Variants in INO80D observed in about 807,000 individuals in gnomAD.
The protein encoded by INO80D is INO80 complex subunit D.
A neutral mutation model predicts 87.6 loss-of-function variants in INO80D; 21 were observed. The observed-to-expected ratio is 0.24, with a 90% CI of 0.17 to 0.35. The LOEUF (loss-of-function observed/expected upper bound fraction) is 0.35, where lower values mean the gene tolerates loss of function less well. Ranked by LOEUF, INO80D falls within the 10% of genes least tolerant of loss-of-function variation. The pLI is 1.00. For synonymous variants in INO80D, 440 were observed against 491.0 expected (o/e 0.90, Z 1.37); for missense variants, 982 against 1,280.7 (o/e 0.77, Z 3.56).
chr2:206,006,060 C>T (rs818024), intron 10 of INO80D, among the ~76,000 whole-genome samples: 114,835 of 151,936 alleles, frequency 0.76, 43,658 homozygotes, highest in South Asian at 0.85. Flanking sequence ...GTTCATTTCA[C>T]GGGTTATCTT....
intron 10 of INO80D, among the ~76,000 whole-genome samples, chr2:206,006,971 CG>C (rs1418514037): frequency 6.6e-6 from 1 of 152,154 alleles, no homozygotes; most frequent in Non-Finnish European, 1.5e-5. Flanking sequence ...CGCTTGAACC[CG>C]GAGGCAGAAG....
In INO80D at chr2:206,062,886, T is replaced by C. The variant is rs1689723129; in HGVS notation, c.131A>G (p.Lys44Arg). The change falls in exon 3 of 11, where the codon AAG (lysine) becomes AGG (arginine). Residue 44 changes from lysine to arginine, a missense_variant. Physicochemically the swap from Lys to Arg is conservative, Grantham distance 26. Coordinates refer to ENST00000403263, the MANE Select transcript of INO80D (RefSeq NM_017759.5). This position sits in a 1 kb window ranked among gnomAD's most constrained non-coding sequence, Gnocchi z 4.6. ...TTCACATTGCTTGAAGGGGGCAGTC[T>C]TGTCCTCCAGAACGTGTCTGATACA... ...AFCIRHVLEDKTAPFKQCEYV... is the reference protein window; with the variant it reads ...AFCIRHVLEDRTAPFKQCEYV... The C allele has an allele frequency of 1.9e-6, 3 of 1,613,494 alleles. No individual in the cohort carries two copies. The highest frequency in any genetic ancestry group is 2.5e-6 in the Non-Finnish European group (3 of 1,179,802).
In INO80D at chr2:205,996,544, T is replaced by C. The variant is rs1041248578; in HGVS notation, c.*7824A>G. On this transcript the variant is annotated 3_prime_UTR_variant, in exon 11 of 11. Coordinates refer to ENST00000403263, the MANE Select transcript of INO80D (RefSeq NM_017759.5). ...TTACAGAATAATCCAGAACTTTCCA[T>C]AGACATTAATCTTGCTTAACAAAGG... is the stretch of plus-strand genomic sequence containing the variant. 2.6e-5 allele frequency: 4 copies of C among 152,080 alleles called. No homozygotes were observed. The highest frequency in any genetic ancestry group is 4.8e-5 in the African/African-American group (2 of 41,426). 9.4% of individuals were successfully genotyped at this position (152,080 alleles called of 1,614,324 possible). A position where few individuals can be genotyped will look rare whatever the true frequency, so the allele number is the denominator to read the frequency against.
At chr2:206,028,374 C>T (rs373716242) in intron 5 of INO80D, 39 bp from the exon 6 acceptor site, 38 of 1,468,442 alleles carry the variant, frequency 2.6e-5, no homozygotes, top group Non-Finnish European at 3.5e-5. Flanking sequence ...ACTGATTACA[C>T]ATTAGGCTCA....
intron 6 of INO80D, chr2:206,025,542 A>AAAAAAAAAATAT (rs71301548): frequency 1.3e-5 from 1 of 76,936 alleles, no homozygotes; most frequent in African/African-American, 4.4e-5. Context: ...AAAAAAAAAA[A>AAAAAAAAAATAT]ATATATATAT....
At chr2:206,083,449 A>G (rs1273821333) in intron 1 of INO80D, among the ~76,000 whole-genome samples, 3 of 152,214 alleles carry the variant, frequency 2.0e-5, no homozygotes, top group Non-Finnish European at 2.9e-5. Flanking sequence ...GTTTAAAAAA[A>G]TGTCCATGTC....
At chr2:206,057,269 T>G (rs187912016) in intron 3 of INO80D, among the ~76,000 whole-genome samples, 1 of 152,290 alleles carries the variant, frequency 6.6e-6, no homozygotes, top group East Asian at 1.9e-4. Context: ...ACAAAGTAAC[T>G]CATCAAGAGT....
chr2:206,079,393 A>C (rs1690213593), intron 1 of INO80D, among the ~76,000 whole-genome samples: 1 of 152,136 alleles, frequency 6.6e-6, no homozygotes, highest in Admixed American at 6.6e-5. Flanking sequence ...TTCAAACCAA[A>C]TGTATACAAC....
intron 9 of INO80D, among the ~76,000 whole-genome samples, chr2:206,008,878 G>T (rs1201481350): frequency 1.3e-5 from 2 of 152,114 alleles, no homozygotes; most frequent in African/African-American, 4.8e-5. Flanking sequence ...ATTAACAACA[G>T]GTAAAATTGA....
At chr2:206,068,931 T>C (rs567587812) in intron 1 of INO80D, among the ~76,000 whole-genome samples, 6 of 151,666 alleles carry the variant, frequency 4.0e-5, no homozygotes, top group Non-Finnish European at 8.8e-5. Flanking sequence ...GAACTTCCGG[T>C]CTCAAGTGAT....
chr2:206,008,501 G>A (rs1324031343), intron 9 of INO80D, among the ~76,000 whole-genome samples: 3 of 151,322 alleles, frequency 2.0e-5, no homozygotes, highest in South Asian at 2.1e-4. Flanking sequence ...GGCTGGTCTC[G>A]AACTCCTGAC....
rs1019652115 is a variant in INO80D, at chr2:205,995,428, A to G, written c.*8940T>C. 6.6e-6 allele frequency: 1 copy of G among 152,224 alleles called. No homozygotes were observed. The highest frequency in any genetic ancestry group is 2.4e-5 in the African/African-American group (1 of 41,472). The allele number at this position is 152,224 out of a possible 1,614,324, so 9.4% of individuals were successfully genotyped here. On this transcript the variant is annotated 3_prime_UTR_variant, in exon 11 of 11. Coordinates refer to ENST00000403263, the MANE Select transcript of INO80D (RefSeq NM_017759.5). ...AATAACTTTTGATAATGTATTTTAAATCATTACATACAACTGCCACTGCAG... is the reference window on the plus strand; with the variant it reads ...AATAACTTTTGATAATGTATTTTAAGTCATTACATACAACTGCCACTGCAG...
intron 3 of INO80D, among the ~76,000 whole-genome samples, chr2:206,060,240 T>C: frequency 6.6e-6 from 1 of 151,448 alleles, no homozygotes; most frequent in Non-Finnish European, 1.5e-5. Context: ...AATTTATAAC[T>C]TAGTACTTAT....
chr2:206,046,209 T>C (rs1689189061), intron 5 of INO80D, among the ~76,000 whole-genome samples: 1 of 152,028 alleles, frequency 6.6e-6, no homozygotes, highest in Non-Finnish European at 1.5e-5. Flanking sequence ...GCATATATAG[T>C]GGGAAATATC....
intron 5 of INO80D, among the ~76,000 whole-genome samples, chr2:206,031,899 G>A (rs1347649343): frequency 2.0e-5 from 3 of 152,296 alleles, no homozygotes; most frequent in Middle Eastern, 3.4e-3. Context: ...GAGATTCTCC[G>A]TTTCGAACAC....
intron 5 of INO80D, among the ~76,000 whole-genome samples, chr2:206,032,877 T>C (rs1368973504): frequency 6.6e-6 from 1 of 152,130 alleles, no homozygotes; most frequent in African/African-American, 2.4e-5. Context: ...TTTTAAAGCA[T>C]AAATTATACA....
intron 4 of INO80D, among the ~76,000 whole-genome samples, chr2:206,050,344 T>G (rs1689317860): frequency 6.7e-6 from 1 of 148,900 alleles, no homozygotes; most frequent in Non-Finnish European, 1.5e-5. Flanking sequence ...TGCAAAAAAT[T>G]AGCTGGATGT....
chr2:206,028,269 C>T lies in INO80D; in HGVS notation c.1140G>A (p.Gln380=). Residue 380 remains glutamine (Q), a synonymous_variant, in exon 6 of 11, where the codon CAG becomes CAA. Transcript: ENST00000403263. The part of the protein sequence containing the change: ...RVTQLCTYFQ[Q]KYKHLCRLER... ...CCAGGCGGCAGAGGTGCTTATATTTCTGCTGAAAGTAAGTGCAAAGTTGAG... is the reference window on the plus strand; with the variant it reads ...CCAGGCGGCAGAGGTGCTTATATTTTTGCTGAAAGTAAGTGCAAAGTTGAG... The T allele has an allele frequency of 6.2e-7, 1 of 1,612,806 alleles. No individual in the cohort carries two copies. The highest frequency in any genetic ancestry group is 8.5e-7 in the Non-Finnish European group (1 of 1,178,856).
At chr2:206,037,175 A>G (rs1281917732) in intron 5 of INO80D, among the ~76,000 whole-genome samples, 2 of 152,192 alleles carry the variant, frequency 1.3e-5, no homozygotes, top group African/African-American at 4.8e-5. Context: ...ACAAAAAAGG[A>G]AAGAAATGAT....
Sources: allele counts gnomAD v4.1 joint callset (sites outside exome capture counted in the v4.1 genomes callset), GRCh38; gene constraint gnomAD v4.1.1; non-coding constraint Gnocchi (gnomAD v3.1); transcripts MANE v1.5; gene names NCBI Gene and HGNC (gene_info 2026-07-23, HGNC 2026-07-21).